SLC18A1: variants seen among roughly 807,000 people sequenced by gnomAD.
SLC18A1 encodes solute carrier family 18 member A1, also known as chromaffin granule amine transporter.
In SLC18A1, 69 loss-of-function variants were observed where a neutral mutation model predicts 53.7. That is an observed-to-expected ratio of 1.28 (90% CI 1.06 to 1.57). The LOEUF (loss-of-function observed/expected upper bound fraction) is 1.57, where lower values mean the gene tolerates loss of function less well. Ranked by LOEUF, SLC18A1 falls within the 40% of genes most tolerant of loss-of-function variation. SLC18A1 has a pLI of 0.00. For synonymous variants in SLC18A1, 320 were observed against 248.1 expected (o/e 1.29, Z -2.72); for missense variants, 932 against 668.1 (o/e 1.40, Z -4.35).
chr8:20,165,184 T>C (rs2071926812), intron 8 of SLC18A1, 77 bp from the exon 9 acceptor site: 3 of 1,267,698 alleles, frequency 2.4e-6, no homozygotes, highest in Admixed American at 1.7e-5. Flanking sequence ...TCTGAGAAAG[T>C]ACAATTATGG....
chr8:20,177,751 CCCTGCCTTAA>C (rs2072286677), intron 4 of SLC18A1, among the ~76,000 whole-genome samples: 1 of 152,172 alleles, frequency 6.6e-6, no homozygotes, highest in Non-Finnish European at 1.5e-5. Flanking sequence ...GGCTGCCTTC[CCCTGCCTTAA>C]CCTGCTAACG....
Position 20,145,658 on chromosome 8 carries a change from G to A in SLC18A1, c.*105C>T, listed in dbSNP as rs2071376116. The A allele has an allele frequency of 4.9e-6, 3 of 611,238 alleles. No individual in the cohort carries two copies. Among genetic ancestry groups the A allele is most frequent in the Non-Finnish European group, 8.7e-6 (3 of 345,566 alleles). 37.9% of individuals were successfully genotyped at this position (611,238 alleles called of 1,614,324 possible). On this transcript the variant is annotated 3_prime_UTR_variant, in exon 16 of 16. Transcript: ENST00000276373. Reference sequence around the variant, plus strand: ...GGGGAGGAAAGAAGATTCCCAGGCAGAGGTATGTGAAGCCCACTGAGCCGT... The same window carrying A: ...GGGGAGGAAAGAAGATTCCCAGGCAAAGGTATGTGAAGCCCACTGAGCCGT...
chr8:20,162,124 G>A (rs989138384), intron 10 of SLC18A1, among the ~76,000 whole-genome samples: 5 of 152,176 alleles, frequency 3.3e-5, no homozygotes, highest in Admixed American at 3.3e-4. Context: ...CACAGTTGAG[G>A]GGCACTGCAC....
At chr8:20,158,014 C>A (rs529907217) in intron 10 of SLC18A1, among the ~76,000 whole-genome samples, 3 of 152,310 alleles carry the variant, frequency 2.0e-5, no homozygotes, top group Admixed American at 2.0e-4. Context: ...ACTGGAAGGC[C>A]CACTGTCCCA....
chr8:20,179,791 G>A (rs2072373167), intron 2 of SLC18A1, among the ~76,000 whole-genome samples: 1 of 152,198 alleles, frequency 6.6e-6, no homozygotes, highest in African/African-American at 2.4e-5. Context: ...CATTGTTCAT[G>A]GTTTCCACAT....
At chr8:20,169,924 G>T (rs1432102457) in intron 8 of SLC18A1, among the ~76,000 whole-genome samples, 1 of 152,156 alleles carries the variant, frequency 6.6e-6, no homozygotes, top group East Asian at 1.9e-4. Context: ...GGAATCTCAA[G>T]CTGGATTTAC....
intron 10 of SLC18A1, among the ~76,000 whole-genome samples, chr8:20,159,740 G>A (rs1410981773): frequency 6.6e-6 from 1 of 151,624 alleles, no homozygotes; most frequent in East Asian, 1.9e-4. Context: ...CAGTTGTGAG[G>A]TTTAAACAAA....
intron 6 of SLC18A1, 110 bp downstream of exon 6, chr8:20,172,926 T>C (rs913098386): frequency 9.3e-6 from 7 of 750,300 alleles, no homozygotes; most frequent in African/African-American, 3.5e-5. Flanking sequence ...GGAGTTGAAA[T>C]AGGATGAGGC....
rs534523448 is a variant in SLC18A1, at chr8:20,180,975, G to A, written c.-11C>T. ...AATGGTCCGGAGCATGGTGATGGCC[G>A]GACTGGGGCAGTCTTCCCCTGCGGG... is the stretch of plus-strand genomic sequence containing the variant. On this transcript the variant is annotated 5_prime_UTR_variant, in exon 2 of 16. Transcript: ENST00000276373. 346 of 1,562,846 alleles carry A rather than the reference G, an allele frequency of 2.2e-4. 5 individuals carry two copies. In the South Asian group the frequency reaches 3.3e-3, roughly 15 times the overall value.
Position 20,150,912 on chromosome 8 carries a change from C to A in SLC18A1, c.1016-168G>T, listed in dbSNP as rs138012828. On this transcript the variant is annotated intron_variant, in intron 10 of 15. Coordinates refer to ENST00000276373, the MANE Select transcript of SLC18A1 (RefSeq NM_003053.4). The stretch of plus-strand genomic sequence containing the variant: ...CAAACCCACAGTAGTTGCCATAGGA[C>A]CCCCACACCTCTCCTTTCTTCAGGA... The A allele has an allele frequency of 4.0e-5, 25 of 618,262 alleles. No homozygotes were observed. The African/African-American group carries it at 4.2e-4, about 10-fold the overall frequency. 38.3% of individuals were successfully genotyped at this position (618,262 alleles called of 1,614,324 possible). A position where few individuals can be genotyped will look rare whatever the true frequency, so the allele number is the denominator to read the frequency against.
At position 20,173,061 on chromosome 8, in the gene SLC18A1, C is replaced by T. The variant is rs1215059240; in HGVS notation, c.699G>A (p.Leu233=). 1.3e-6 allele frequency: 2 copies of T among 1,591,982 alleles called. No individual in the cohort carries two copies. Among genetic ancestry groups the T allele is most frequent in the Admixed American group, 1.8e-5 (1 of 57,008 alleles). ...CCAGCAACCCCAAGGCCAGGCCCCCCAGAGCAGTTCCCATGGCTCGTCCTC... is the reference window on the plus strand; with the variant it reads ...CCAGCAACCCCAAGGCCAGGCCCCCTAGAGCAGTTCCCATGGCTCGTCCTC... ...HERGRAMGTA[L]GGLALGLLVG... Residue 233 remains leucine, a synonymous_variant, in exon 6 of 16, where the codon CTG becomes CTA. Transcript: ENST00000276373.
intron 10 of SLC18A1, among the ~76,000 whole-genome samples, chr8:20,152,167 AG>A (rs1176231164): frequency 6.6e-6 from 1 of 152,236 alleles, no homozygotes; most frequent in Non-Finnish European, 1.5e-5. Flanking sequence ...GATGTCTTAA[AG>A]AAATCATTTA....
At chr8:20,171,017 C>G (rs2072101049) in intron 8 of SLC18A1, 86 bp downstream of exon 8, 3 of 1,340,116 alleles carry the variant, frequency 2.2e-6, no homozygotes, top group Non-Finnish European at 3.2e-6. Flanking sequence ...CTTCACTTTT[C>G]TTCTTATGGT....
At chr8:20,174,116 CTGCCCGGGT>C (rs754140903) in intron 5 of SLC18A1, among the ~76,000 whole-genome samples, 28 of 151,984 alleles carry the variant, frequency 1.8e-4, no homozygotes, top group Non-Finnish European at 3.2e-4. Flanking sequence ...GTTGCCCAGG[CTGCCCGGGT>C]TGGTCTCAGA....
In SLC18A1 at chr8:20,171,470, A is replaced by C. The variant is rs1329827836; in HGVS notation, c.749T>G (p.Met250Arg). Residue 250 changes from methionine (M) to arginine (R), a missense_variant, in exon 7 of 16, where the codon ATG becomes AGG. By Grantham distance (91) the Met-to-Arg change is moderately conservative. Transcript: ENST00000276373. ...TGCAGACTTCCCAACAAACTCGTAC[A>C]TTACACTTCCAAAGGGAGCTCCCAC... ...LLVGAPFGSV[M>R]YEFVGKSAPF... The C allele has an allele frequency of 6.2e-7, 1 of 1,614,096 alleles. No individual in the cohort carries two copies. Among genetic ancestry groups the C allele is most frequent in the Non-Finnish European group, 8.5e-7 (1 of 1,179,970 alleles).
chr8:20,151,654 T>C (rs565329589), intron 10 of SLC18A1, among the ~76,000 whole-genome samples: 1 of 152,314 alleles, frequency 6.6e-6, no homozygotes, highest in Non-Finnish European at 1.5e-5. Flanking sequence ...CACATGGCTT[T>C]TTGTGACAGT....
At chr8:20,164,238 T>C (rs868529146) in intron 10 of SLC18A1, among the ~76,000 whole-genome samples, 8 of 152,192 alleles carry the variant, frequency 5.3e-5, no homozygotes, top group South Asian at 2.1e-4. Context: ...GGCTAGATCC[T>C]CCTCTCCAAG....
chr8:20,167,127 A>G (rs1199832871), intron 8 of SLC18A1, among the ~76,000 whole-genome samples: 4 of 151,520 alleles, frequency 2.6e-5, no homozygotes, highest in Admixed American at 2.6e-4. Flanking sequence ...AACTAAAACT[A>G]AATGCCAAAA....
At chr8:20,150,010 C>T (rs2071510017) in intron 11 of SLC18A1, among the ~76,000 whole-genome samples, 1 of 152,182 alleles carries the variant, frequency 6.6e-6, no homozygotes, top group African/African-American at 2.4e-5. Flanking sequence ...TCAGGAGGCA[C>T]TTGTTCCTTA....
Sources: allele counts gnomAD v4.1 joint callset (sites outside exome capture counted in the v4.1 genomes callset), GRCh38; gene constraint gnomAD v4.1.1; transcripts MANE v1.5; gene names NCBI Gene and HGNC (gene_info 2026-07-23, HGNC 2026-07-21).